NDUFS4: variants seen among roughly 807,000 people sequenced by gnomAD.
NDUFS4 encodes NADH dehydrogenase [ubiquinone] iron-sulfur protein 4, mitochondrial.
Under a neutral mutation model 24.3 loss-of-function variants are expected in NDUFS4, and 28 were observed. The ratio of observed to expected loss-of-function variants is 1.15; its 90% CI spans 0.85 to 1.58. The LOEUF is 1.58. Among genes scored for constraint, NDUFS4 ranks in the 40% most tolerant of loss-of-function variants. The pLI is 0.00. For synonymous variants in NDUFS4, 93 were observed against 69.7 expected (o/e 1.34, Z -1.67); for missense variants, 223 against 207.9 (o/e 1.07, Z -0.45).
intron 1 of NDUFS4, among the ~76,000 whole-genome samples, chr5:53,564,262 C>T (rs1236235272): frequency 6.6e-6 from 1 of 152,274 alleles, no homozygotes; most frequent in Admixed American, 6.5e-5. Flanking sequence ...GACAAGAATT[C>T]TGTTTGTTAA....
intron 2 of NDUFS4, among the ~76,000 whole-genome samples, chr5:53,626,483 T>G (rs1193724583): frequency 6.6e-6 from 1 of 152,196 alleles, no homozygotes; most frequent in Admixed American, 6.5e-5. Flanking sequence ...TTGAACTACT[T>G]TACACTTCCA....
intron 4 of NDUFS4, among the ~76,000 whole-genome samples, chr5:53,679,102 G>A: frequency 6.6e-6 from 1 of 152,168 alleles, no homozygotes; most frequent in African/African-American, 2.4e-5. Flanking sequence ...AAAGAGAGAT[G>A]TATGTGGATT....
intron 4 of NDUFS4, 105 bp from the exon 5 acceptor site, chr5:53,683,013 A>G: frequency 1.2e-6 from 1 of 807,556 alleles, no homozygotes; most frequent in Non-Finnish European, 2.2e-6. Context: ...TTGATGATAA[A>G]TGAACATTAA....
chr5:53,583,046 T>A (rs1749623712), intron 1 of NDUFS4, among the ~76,000 whole-genome samples: 1 of 151,958 alleles, frequency 6.6e-6, no homozygotes, highest in African/African-American at 2.4e-5. Flanking sequence ...CCTGGCTAAT[T>A]TTTTGTATTT....
At chr5:53,606,331 A>C (rs1394636116) in intron 2 of NDUFS4, among the ~76,000 whole-genome samples, 2 of 152,134 alleles carry the variant, frequency 1.3e-5, no homozygotes, top group Non-Finnish European at 2.9e-5. Context: ...CTCATGGTGG[A>C]AGGTGAAGTG....
chr5:53,581,304 T>C (rs1749561211), intron 1 of NDUFS4, among the ~76,000 whole-genome samples: 1 of 152,212 alleles, frequency 6.6e-6, no homozygotes, highest in Non-Finnish European at 1.5e-5. Flanking sequence ...GCTACAGCTA[T>C]TGCTATCATC....
chr5:53,664,495 T>C (rs1439021422), intron 4 of NDUFS4, among the ~76,000 whole-genome samples: 2 of 152,186 alleles, frequency 1.3e-5, no homozygotes, highest in Non-Finnish European at 2.9e-5. Context: ...GGTCTTTTCA[T>C]ATAGTCCCGT....
At chr5:53,662,808 G>A (rs949142329) in intron 4 of NDUFS4, among the ~76,000 whole-genome samples, 2 of 151,994 alleles carry the variant, frequency 1.3e-5, no homozygotes, top group African/African-American at 4.8e-5. Context: ...ATATTCTCTG[G>A]TGGTAACTAA....
chr5:53,622,363 G>A (rs1481658826), intron 2 of NDUFS4, among the ~76,000 whole-genome samples: 3 of 152,136 alleles, frequency 2.0e-5, no homozygotes, highest in Non-Finnish European at 4.4e-5. Context: ...CTAGAATTCC[G>A]AGGTTAAGGT....
intron 1 of NDUFS4, among the ~76,000 whole-genome samples, chr5:53,568,305 T>C (rs1749104951): frequency 6.6e-6 from 1 of 152,068 alleles, no homozygotes; most frequent in Non-Finnish European, 1.5e-5. Flanking sequence ...TGCCCCCCAG[T>C]CTATATTGGT....
intron 4 of NDUFS4, among the ~76,000 whole-genome samples, chr5:53,675,446 G>A (rs753349041): frequency 1.3e-5 from 2 of 152,152 alleles, no homozygotes; most frequent in Non-Finnish European, 1.5e-5. Flanking sequence ...ACAGGCGTGA[G>A]CCACCACGCC....
At chr5:53,625,391 A>G (rs1195377094) in intron 2 of NDUFS4, among the ~76,000 whole-genome samples, 1 of 152,066 alleles carries the variant, frequency 6.6e-6, no homozygotes, top group Non-Finnish European at 1.5e-5. Context: ...GATTCTTGGA[A>G]TTTTTGATTA....
chr5:53,601,305 A>G (rs1750315975), intron 1 of NDUFS4, among the ~76,000 whole-genome samples: 1 of 152,112 alleles, frequency 6.6e-6, no homozygotes. Flanking sequence ...GCCCGGCTAC[A>G]CATGTTTACA....
intron 1 of NDUFS4, among the ~76,000 whole-genome samples, chr5:53,567,006 G>A (rs1023844694): frequency 3.3e-5 from 5 of 151,764 alleles, no homozygotes; most frequent in South Asian, 2.1e-4. Context: ...GCACCACCAC[G>A]CCTGGATAAT....
At chr5:53,623,459 GTGTT>G (rs1751117925) in intron 2 of NDUFS4, among the ~76,000 whole-genome samples, 2 of 152,068 alleles carry the variant, frequency 1.3e-5, no homozygotes, top group Admixed American at 6.6e-5. Context: ...TTTGAATTAG[GTGTT>G]TGTTTTTTTG....
intron 1 of NDUFS4, among the ~76,000 whole-genome samples, chr5:53,577,565 A>G (rs1749426399): frequency 6.6e-6 from 1 of 151,690 alleles, no homozygotes; most frequent in Admixed American, 6.6e-5. Context: ...TACTTTAGAT[A>G]TATTGTTTCA....
At chr5:53,574,304 C>G (rs939518983) in intron 1 of NDUFS4, among the ~76,000 whole-genome samples, 10 of 152,192 alleles carry the variant, frequency 6.6e-5, no homozygotes, top group Non-Finnish European at 4.4e-5. Flanking sequence ...ATGGATGTGT[C>G]TAATGCCTTT....
chr5:53,588,973 C>A (rs1749856214), intron 1 of NDUFS4, among the ~76,000 whole-genome samples: 1 of 150,824 alleles, frequency 6.6e-6, no homozygotes. Flanking sequence ...AGAGAAAATG[C>A]ATAGCCATCT....
intron 1 of NDUFS4, among the ~76,000 whole-genome samples, chr5:53,603,231 G>C (rs150673577): frequency 7.9e-5 from 12 of 152,168 alleles, no homozygotes; most frequent in Admixed American, 2.6e-4. Flanking sequence ...CTGACGTAAA[G>C]CGCAGCCTGT....
Sources: allele counts gnomAD v4.1 joint callset (sites outside exome capture counted in the v4.1 genomes callset), GRCh38; gene constraint gnomAD v4.1.1; transcripts MANE v1.5; gene names NCBI Gene and HGNC (gene_info 2026-07-23, HGNC 2026-07-21).